The following GABRG2 variants were observed in gnomAD, a reference collection of about 807,000 sequenced individuals.
GABRG2 encodes gamma-aminobutyric acid receptor subunit gamma-2.
GABRG2 carries 16 observed loss-of-function variants against 56.4 expected under a neutral mutation model. The observed-to-expected ratio is 0.28, with a 90% confidence interval of 0.19 to 0.43. GABRG2 has a LOEUF of 0.43. GABRG2 is among the 20% of genes least tolerant of loss of function. The pLI is 1.00. For missense variants in GABRG2, 327 were observed against 582.7 expected, an observed-to-expected ratio of 0.56 and a Z score of 4.52; for synonymous variants, 208 against 205.5, an observed-to-expected ratio of 1.01 and a Z score of -0.10.
At chr5:162,127,065 G>A (rs991710334) in intron 6 of GABRG2, among the ~76,000 whole-genome samples, 44 of 151,918 alleles carry the variant, frequency 2.9e-4, no homozygotes, top group Non-Finnish European at 5.3e-4. Flanking sequence ...GAATTCAACC[G>A]TGGCACTCTT....
At chr5:162,137,905 C>T (rs1764254181) in intron 6 of GABRG2, among the ~76,000 whole-genome samples, 1 of 151,830 alleles carries the variant, frequency 6.6e-6, no homozygotes, top group Admixed American at 6.6e-5. Flanking sequence ...GTGCATGCCA[C>T]CACGCCTGGC....
chr5:162,144,115 A>G (rs1278092848), intron 7 of GABRG2, among the ~76,000 whole-genome samples: 1 of 152,206 alleles, frequency 6.6e-6, no homozygotes, highest in Non-Finnish European at 1.5e-5. Flanking sequence ...ACTTGTCACT[A>G]TGAACAGATA....
chr5:162,077,072 CCTGTGT>C (rs1253397872), intron 1 of GABRG2, among the ~76,000 whole-genome samples: 4 of 83,254 alleles, frequency 4.8e-5, no homozygotes, highest in Non-Finnish European at 9.6e-5. Flanking sequence ...AACAACTACC[CCTGTGT>C]GTGTGTGTGT....
At position 162,149,107 on chromosome 5, in the gene GABRG2, G is replaced by A; in HGVS notation, c.923-1G>A. 6.2e-7 allele frequency: 1 copy of A among 1,613,652 alleles called. No homozygotes were observed. Among genetic ancestry groups the A allele is most frequent in the Non-Finnish European group, 8.5e-7 (1 of 1,179,812 alleles). On this transcript the variant is annotated splice_acceptor_variant, in intron 7 of 9. Transcript: ENST00000639213. LOFTEE classifies it high-confidence loss of function. ...ACCTGTATTATTACACCTCTCTTCA[G>A]GTATCACCACTGTCCTGACAATGAC...
chr5:162,111,928 T>C (rs1417712335), intron 6 of GABRG2, among the ~76,000 whole-genome samples: 1 of 152,204 alleles, frequency 6.6e-6, no homozygotes, highest in Non-Finnish European at 1.5e-5. Context: ...ATACCAATTA[T>C]CTTTAGATAC....
At chr5:162,142,138 A>AT (rs1420974458) in intron 6 of GABRG2, 26 bp from the exon 7 acceptor site, 1 of 1,612,474 alleles carries the variant, frequency 6.2e-7, no homozygotes. Context: ...AAAGGGTTGT[A>AT]TGGTGTTATC....
At chr5:162,143,832 G>GC (rs765651309) in intron 7 of GABRG2, among the ~76,000 whole-genome samples, 3 of 152,118 alleles carry the variant, frequency 2.0e-5, no homozygotes, top group Non-Finnish European at 4.4e-5. Context: ...AGAAATGTTG[G>GC]CTACTATAGT....
At chr5:162,147,386 A>G (rs1765042684) in intron 7 of GABRG2, among the ~76,000 whole-genome samples, 1 of 140,282 alleles carries the variant, frequency 7.1e-6, no homozygotes, top group Admixed American at 7.6e-5. Context: ...TCTTTTTGAC[A>G]GAGTTTTTAC....
intron 5 of GABRG2, 24 bp from the exon 6 acceptor site, chr5:162,103,865 G>A (rs1172195648): frequency 9.3e-6 from 15 of 1,613,456 alleles, no homozygotes; most frequent in Non-Finnish European, 1.1e-5. Flanking sequence ...CATTTTTAAT[G>A]TGAGCTTTCC....
At chr5:162,091,934 T>C (rs1760629614) in intron 1 of GABRG2, among the ~76,000 whole-genome samples, 1 of 152,092 alleles carries the variant, frequency 6.6e-6, no homozygotes, top group African/African-American at 2.4e-5. Context: ...AGAGAGAGAT[T>C]TTTTGAAAAG....
chr5:162,071,539 T>C (rs17060039), intron 1 of GABRG2, among the ~76,000 whole-genome samples: 14,085 of 152,020 alleles, frequency 0.093, 946 homozygotes, highest in East Asian at 0.22. Context: ...TATTTTCTAT[T>C]TTTATCTGCT....
chr5:162,093,909 G>A lies in GABRG2; in HGVS notation c.189G>A (p.Glu63=). The change falls in exon 2 of 10, where the codon GAG becomes GAA. Residue 63 remains glutamate (E), a synonymous_variant. Coordinates refer to ENST00000639213, the MANE Select transcript of GABRG2 (RefSeq NM_198904.4). ...GGGTCTTGACTCCAAAAGTTCCTGA[G>A]GGTGATGTCACTGTCATCTTAAACA... is the stretch of plus-strand genomic sequence containing the variant. ...KTWVLTPKVP[E]GDVTVILNNL... 1.2e-6 allele frequency: 2 copies of A among 1,613,268 alleles called. No individual in the cohort carries two copies. Among genetic ancestry groups the A allele is most frequent in the South Asian group, 1.1e-5 (1 of 91,082 alleles).
At chr5:162,152,540 T>A (rs1354549527) in intron 9 of GABRG2, 4 of 380,078 alleles carry the variant, frequency 1.1e-5, no homozygotes, top group African/African-American at 8.5e-5. Flanking sequence ...AAAAGAATCA[T>A]AGTCCTTTAA....
intron 6 of GABRG2, among the ~76,000 whole-genome samples, chr5:162,115,954 A>C (rs192906290): frequency 6.6e-6 from 1 of 152,134 alleles, no homozygotes; most frequent in Non-Finnish European, 1.5e-5. Flanking sequence ...CATTTTCCAG[A>C]TGAAATTTCC....
chr5:162,078,768 T>C (rs1452921450), intron 1 of GABRG2, among the ~76,000 whole-genome samples: 1 of 151,920 alleles, frequency 6.6e-6, no homozygotes, highest in African/African-American at 2.4e-5. Flanking sequence ...GTGTGATGGC[T>C]CAGGATTTGA....
chr5:162,149,074 A>G (rs758395626), intron 7 of GABRG2, 34 bp from the exon 8 acceptor site: 27 of 1,604,560 alleles, frequency 1.7e-5, no homozygotes, highest in Middle Eastern at 1.9e-4. Flanking sequence ...TGCTTATGCA[A>G]TCACATGACC....
intron 1 of GABRG2, among the ~76,000 whole-genome samples, chr5:162,081,021 T>C (rs779865935): frequency 2.1e-4 from 32 of 152,136 alleles, no homozygotes; most frequent in Non-Finnish European, 3.5e-4. Flanking sequence ...ATTAATTGAA[T>C]GTTTAAAATT....
At chr5:162,137,180 A>G (rs1444167019) in intron 6 of GABRG2, among the ~76,000 whole-genome samples, 7 of 152,238 alleles carry the variant, frequency 4.6e-5, no homozygotes, top group Admixed American at 4.6e-4. Flanking sequence ...AAGACTGAGT[A>G]TTCTACCTAG....
At chr5:162,116,946 A>G (rs1697835759) in intron 6 of GABRG2, among the ~76,000 whole-genome samples, 1 of 152,154 alleles carries the variant, frequency 6.6e-6, no homozygotes, top group Non-Finnish European at 1.5e-5. Context: ...TCCCAAGATC[A>G]TGTGCCAGGA....
Sources: gnomAD v4.1 joint callset for allele counts (sites outside exome capture counted in the v4.1 genomes callset) on GRCh38, gnomAD v4.1.1 for gene constraint, MANE v1.5 for transcripts, NCBI Gene and HGNC (gene_info 2026-07-23, HGNC 2026-07-21) for gene names.